ABL2: variants seen among roughly 807,000 people sequenced by gnomAD.
ABL2 encodes ABL proto-oncogene 2, non-receptor tyrosine kinase.
Under a neutral mutation model 107.7 loss-of-function variants are expected in ABL2, and 49 were observed. The ratio of observed to expected loss-of-function variants is 0.45; its 90% CI spans 0.36 to 0.58. ABL2 has a LOEUF of 0.58. Among genes scored for constraint, ABL2 ranks in the 20% least tolerant of loss-of-function variants. The pLI, the probability that ABL2 is intolerant of heterozygous loss-of-function variation, is 0.00. For missense variants in ABL2, 1,245 were observed against 1,457.0 expected (o/e 0.85, Z 2.37); for synonymous variants, 549 against 548.6 (o/e 1.00, Z -0.01).
Position 179,108,079 on chromosome 1 carries a change from G to A in ABL2, c.3188C>T (p.Ala1063Val), listed in dbSNP as rs1312285677. 4.3e-6 allele frequency: 7 copies of A among 1,614,240 alleles called. No individual in the cohort carries two copies. In the South Asian group the frequency reaches 5.5e-5, roughly 13 times the overall value. Reference sequence around the variant, plus strand: ...TTTTCTCAGAGCCACTTTAGTACCTGCTGTGCCATTGGCCATTTTGGCTGG... The same window carrying A: ...TTTTCTCAGAGCCACTTTAGTACCTACTGTGCCATTGGCCATTTTGGCTGG... ...ISPAKMANGT[A>V]GTKVALRKTK... Residue 1063 changes from alanine to valine, a missense_variant, in exon 12 of 12, where the codon GCA becomes GTA. Transcript: ENST00000502732.
intron 1 of ABL2, among the ~76,000 whole-genome samples, chr1:179,212,625 C>T (rs1010422992): frequency 2.6e-5 from 4 of 151,090 alleles, no homozygotes; most frequent in South Asian, 4.2e-4. Flanking sequence ...CCCAGCTACG[C>T]GGGAGGCTGA....
chr1:179,142,329 A>G (rs1657666218), intron 1 of ABL2, among the ~76,000 whole-genome samples: 2 of 152,222 alleles, frequency 1.3e-5, no homozygotes, highest in South Asian at 4.1e-4. Flanking sequence ...AAAATAAAGC[A>G]AAACAGAATA....
rs773888960 is a variant in ABL2 at position 179,222,679 on chromosome 1, G to A, written c.157+6562C>T. Among the ~76,000 whole-genome samples, 29 of 152,044 alleles carry A rather than the reference G, an allele frequency of 1.9e-4. No individual in the cohort carries two copies. In the South Asian group the frequency reaches 2.5e-3, roughly 13 times the overall value. On this transcript the variant is annotated intron_variant, in intron 1 of 11. Transcript: ENST00000502732. ...ACTGGGATTACCAGCATGAGCCACC[G>A]CGCCTGGCCTGAAACTCACCAGGAA...
In ABL2 at chr1:179,197,868, A is replaced by T. The variant is rs1443303631; in HGVS notation, c.157+31373T>A. Among the ~76,000 whole-genome samples, 8 of 20,616 alleles carry T rather than the reference A, an allele frequency of 3.9e-4. No homozygotes were observed. The East Asian group carries it at 0.022, about 56-fold the overall frequency. The allele number at this position is 20,616 out of a possible 152,430, so 13.5% of individuals were successfully genotyped here. A position where few individuals can be genotyped will look rare whatever the true frequency, so the allele number is the denominator to read the frequency against. On this transcript the variant is annotated intron_variant, in intron 1 of 11. Transcript: ENST00000502732. ...TGGGTGACAAGAACGAAACTGTCTCAAAAAAAAAAAAAAAATTGTTTTCTG... is the reference window on the plus strand; with the variant it reads ...TGGGTGACAAGAACGAAACTGTCTCTAAAAAAAAAAAAAAATTGTTTTCTG...
chr1:179,229,393 C>A lies in ABL2; in HGVS notation c.5G>T (p.Gly2Val). The A allele has an allele frequency of 6.5e-7, 1 of 1,538,016 alleles. No homozygotes were observed. The highest frequency in any genetic ancestry group is 8.7e-7 in the Non-Finnish European group (1 of 1,151,132). Reference protein sequence around the residue: MGQQVGRVGEAP... With the variant: MVQQVGRVGEAP... ...TTCCCCGACGCGGCCCACCTGCTGC[C>A]CCATCCCTGCTCTCGCGTACTCCCG... The change falls in exon 1 of 12, where the codon GGG (glycine) becomes GTG (valine). Residue 2 changes from glycine to valine, a missense_variant. Physicochemically the swap from Gly to Val is moderately radical, Grantham distance 109. This residue lies in a region of ABL2 where 164 missense variants were observed against 143.7 expected (regional missense o/e 1.14). Coordinates refer to ENST00000502732, the MANE Select transcript of ABL2 (RefSeq NM_007314.4).
At chr1:179,178,311 T>C (rs965912487) in intron 1 of ABL2, among the ~76,000 whole-genome samples, 1 of 148,244 alleles carries the variant, frequency 6.7e-6, no homozygotes. Flanking sequence ...GGTAAGAGGA[T>C]TGCTTGCTTG....
chr1:179,154,828 C>T (rs892799928), intron 1 of ABL2, among the ~76,000 whole-genome samples: 5 of 152,132 alleles, frequency 3.3e-5, no homozygotes, highest in Non-Finnish European at 7.3e-5. Context: ...ATAATTATTA[C>T]GGTATTCACA....
At chr1:179,112,815 C>T (rs532165362) in intron 9 of ABL2, among the ~76,000 whole-genome samples, 13 of 151,490 alleles carry the variant, frequency 8.6e-5, no homozygotes, top group South Asian at 4.2e-4. Flanking sequence ...AGTGCAGTGG[C>T]GCGATCTCGG....
rs573678945 is a variant in ABL2 at position 179,198,893 on chromosome 1, G to A, written c.157+30348C>T. On this transcript the variant is annotated intron_variant, in intron 1 of 11. Coordinates refer to ENST00000502732, the MANE Select transcript of ABL2 (RefSeq NM_007314.4). ...GTCTTGCTCTGTTGCCCAGGCTGGA[G>A]TGCAGTGGCACGATCTCGGCTCACT... Among the ~76,000 whole-genome samples, 3 of 147,178 alleles carry A rather than the reference G, an allele frequency of 2.0e-5. No homozygotes were observed. In the Admixed American group the frequency reaches 2.0e-4, roughly 10 times the overall value.
chr1:179,108,994 T>C lies in ABL2; in HGVS notation c.2273A>G (p.Lys758Arg), dbSNP rs780736167. Residue 758 changes from lysine (K) to arginine (R), a missense_variant, in exon 12 of 12, where the codon AAA becomes AGA. Coordinates refer to ENST00000502732, the MANE Select transcript of ABL2 (RefSeq NM_007314.4). ...ACCTGCTCGTAAGCCCAGTGTCTTTTTGATTAAGCGTGGTGTAAAGAAGCC... is the reference window on the plus strand; with the variant it reads ...ACCTGCTCGTAAGCCCAGTGTCTTTCTGATTAAGCGTGGTGTAAAGAAGCC... Reference protein sequence around the residue: ...ITGFFTPRLIKKTLGLRAGKP... With the variant: ...ITGFFTPRLIRKTLGLRAGKP... 1.6e-5 allele frequency: 26 copies of C among 1,613,956 alleles called. No individual in the cohort carries two copies. The highest frequency in any genetic ancestry group is 4.0e-5 in the African/African-American group (3 of 74,872).
chr1:179,123,335 T>C (rs1655404795), intron 4 of ABL2, among the ~76,000 whole-genome samples: 1 of 151,728 alleles, frequency 6.6e-6, no homozygotes, highest in South Asian at 2.1e-4. Context: ...TGAAACCTCC[T>C]CTCTACTAAA....
Position 179,229,625 on chromosome 1 carries a change from G to T in ABL2, c.-228C>A. Reference sequence around the variant, plus strand: ...TTCCCTCCTCCTGTCGCGGCTCCGCGCCCCCAACGCCGCCGCCGCCGCCGC... The same window carrying T: ...TTCCCTCCTCCTGTCGCGGCTCCGCTCCCCCAACGCCGCCGCCGCCGCCGC... On this transcript the variant is annotated 5_prime_UTR_variant, in exon 1 of 12. Transcript: ENST00000502732. 1 of 495,320 alleles carries T rather than the reference G, an allele frequency of 2.0e-6. No individual in the cohort carries two copies. Among genetic ancestry groups the T allele is most frequent in the Non-Finnish European group, 3.4e-6 (1 of 292,674 alleles). The allele number at this position is 495,320 out of a possible 1,614,324, so 30.7% of individuals were successfully genotyped here.
At position 179,108,691 on chromosome 1, in the gene ABL2, G is replaced by C. The variant is rs753521839; in HGVS notation, c.2576C>G (p.Ala859Gly). The change falls in exon 12 of 12, where the codon GCT (alanine) becomes GGT (glycine). Residue 859 changes from alanine to glycine, a missense_variant. By Grantham distance (60) the Ala-to-Gly change is moderately conservative (BLOSUM62 0). This residue lies in a region of ABL2 where 761 missense variants were observed against 766.4 expected (regional missense o/e 0.99). Coordinates refer to ENST00000502732, the MANE Select transcript of ABL2 (RefSeq NM_007314.4). ...CCCAGAGGGTGTTCTGAGAGGAAGAGCTGTGGCTCCTCTGGGCAATAACTT... is the reference window on the plus strand; with the variant it reads ...CCCAGAGGGTGTTCTGAGAGGAAGACCTGTGGCTCCTCTGGGCAATAACTT... Reference protein sequence around the residue: ...KAKLLPRGATALPLRTPSGDL... With the variant: ...KAKLLPRGATGLPLRTPSGDL... 8 of 1,614,182 alleles carry C rather than the reference G, an allele frequency of 5.0e-6. No individual in the cohort carries two copies. The highest frequency in any genetic ancestry group is 5.9e-6 in the Non-Finnish European group (7 of 1,180,006).
At chr1:179,189,248 G>A (rs1172869600) in intron 1 of ABL2, among the ~76,000 whole-genome samples, 4 of 152,142 alleles carry the variant, frequency 2.6e-5, no homozygotes, top group Admixed American at 2.6e-4. Flanking sequence ...TGATTCTCCT[G>A]TCTCAGCCTC....
intron 1 of ABL2, among the ~76,000 whole-genome samples, chr1:179,204,364 A>T (rs1284280269): frequency 2.0e-5 from 3 of 152,138 alleles, no homozygotes; most frequent in Non-Finnish European, 4.4e-5. Context: ...TCACTGCAAA[A>T]AAATATTCAA....
intron 1 of ABL2, among the ~76,000 whole-genome samples, chr1:179,189,686 A>C (rs1450420336): frequency 6.6e-6 from 1 of 152,100 alleles, no homozygotes; most frequent in Admixed American, 6.5e-5. Context: ...CACTCAACAC[A>C]ATATTTCTAA....
Position 179,118,781 on chromosome 1 carries a change from A to G in ABL2, c.1046-17T>C. 6.2e-7 allele frequency: 1 copy of G among 1,611,530 alleles called. No homozygotes were observed. The highest frequency in any genetic ancestry group is 1.1e-5 in the South Asian group (1 of 91,024). ...TACACACACCTAAAAGTTGAACAAT[A>G]GTGCTTGTTTTTATTAGTGTACATT... On this transcript the variant is annotated splice_polypyrimidine_tract_variant and intron_variant, in intron 6 of 11. Coordinates refer to ENST00000502732, the MANE Select transcript of ABL2 (RefSeq NM_007314.4).
At chr1:179,138,088 C>G (rs1043379143) in intron 1 of ABL2, among the ~76,000 whole-genome samples, 1 of 152,190 alleles carries the variant, frequency 6.6e-6, no homozygotes, top group Non-Finnish European at 1.5e-5. Context: ...CTGAAAACAG[C>G]TGGGGTGTTT....
intron 1 of ABL2, among the ~76,000 whole-genome samples, chr1:179,225,568 C>A (rs1348036567): frequency 1.3e-5 from 2 of 152,108 alleles, no homozygotes; most frequent in African/African-American, 2.4e-5. Context: ...CAATTCTGCC[C>A]CCCAAGAGAT....
Sources: allele counts gnomAD v4.1 joint callset (sites outside exome capture counted in the v4.1 genomes callset), GRCh38; gene constraint gnomAD v4.1.1; regional missense constraint gnomAD v4.1.1; transcripts MANE v1.5; gene names NCBI Gene and HGNC (gene_info 2026-07-23, HGNC 2026-07-21).